NALCN: variants seen among roughly 807,000 people sequenced by gnomAD.
The protein encoded by NALCN is sodium leak channel, non-selective, also known as sodium leak channel NALCN.
A neutral mutation model predicts 225.3 loss-of-function variants in NALCN; 111 were observed. The ratio of observed to expected loss-of-function variants is 0.49; its 90% CI spans 0.42 to 0.58. The LOEUF (loss-of-function observed/expected upper bound fraction) is 0.58, where lower values mean the gene tolerates loss of function less well. NALCN is among the 20% of genes least tolerant of loss of function. The pLI, the probability that NALCN is intolerant of heterozygous loss-of-function variation, is 0.00. For synonymous variants in NALCN, 764 were observed against 769.0 expected (o/e 0.99, Z 0.11); for missense variants, 1,378 against 2,202.4 (o/e 0.63, Z 7.49).
chr13:101,216,570 CAG>C (rs994283951), intron 13 of NALCN, among the ~76,000 whole-genome samples: 9 of 151,964 alleles, frequency 5.9e-5, no homozygotes, highest in Admixed American at 2.0e-4. Flanking sequence ...ACATGAAAGA[CAG>C]AACAAAAATT....
At chr13:101,371,216 T>C (rs1483245921) in intron 6 of NALCN, among the ~76,000 whole-genome samples, 1 of 152,232 alleles carries the variant, frequency 6.6e-6, no homozygotes, top group African/African-American at 2.4e-5. Context: ...TGGGCATTCA[T>C]GTGTAAATCT....
At chr13:101,290,468 G>C (rs1322347387) in intron 9 of NALCN, among the ~76,000 whole-genome samples, 1 of 152,234 alleles carries the variant, frequency 6.6e-6, no homozygotes, top group Admixed American at 6.5e-5. Flanking sequence ...AAAGAGAGGA[G>C]AGAGGAGATG....
chr13:101,256,235 AT>A (rs1296212652), intron 11 of NALCN, among the ~76,000 whole-genome samples: 1 of 152,148 alleles, frequency 6.6e-6, no homozygotes, highest in African/African-American at 2.4e-5. Flanking sequence ...TTCTGGTTCT[AT>A]TATTCCATCA....
chr13:101,287,714 A>G (rs1297115709), intron 9 of NALCN, among the ~76,000 whole-genome samples: 4 of 152,208 alleles, frequency 2.6e-5, no homozygotes, highest in African/African-American at 9.6e-5. Flanking sequence ...AAGCGCATGG[A>G]GATTTCAACT....
intron 7 of NALCN, among the ~76,000 whole-genome samples, chr13:101,332,397 C>CA (rs753158247): frequency 0.045 from 2,585 of 57,500 alleles, 26 homozygotes; most frequent in Middle Eastern, 0.12. Flanking sequence ...TTCACAAAGC[C>CA]AAAAAAAAAA....
intron 15 of NALCN, among the ~76,000 whole-genome samples, chr13:101,146,902 G>A (rs551185629): frequency 6.6e-6 from 1 of 152,088 alleles, no homozygotes; most frequent in Admixed American, 6.6e-5. Context: ...CAGAGTGCTC[G>A]GAAACACAAG....
rs536843010 is a variant in NALCN at position 101,100,662 on chromosome 13, C to A, written c.3162+122G>T. On this transcript the variant is annotated intron_variant, in intron 27 of 43. Coordinates refer to ENST00000251127, the MANE Select transcript of NALCN (RefSeq NM_052867.4). ...GTGGTGAGATCATAGCTCACTGCAA[C>A]CTTGACCTCCAGTTTCAAGTAATCT... is the stretch of plus-strand genomic sequence containing the variant. 9.3e-3 allele frequency: 5,441 copies of A among 586,684 alleles called. 32 individuals carry two copies. The highest frequency in any genetic ancestry group is 0.011 in the Non-Finnish European group (4,441 of 397,316). The allele number at this position is 586,684 out of a possible 1,614,324, so 36.3% of individuals were successfully genotyped here.
At chr13:101,281,266 A>G (rs544823) in intron 10 of NALCN, among the ~76,000 whole-genome samples, 121,218 of 152,102 alleles carry the variant, frequency 0.8, 48,699 homozygotes, top group Non-Finnish European at 0.84. Context: ...CAAAACCCAC[A>G]TCACTCTTGT....
chr13:101,339,103 G>A (rs576347871), intron 7 of NALCN, among the ~76,000 whole-genome samples: 2 of 152,262 alleles, frequency 1.3e-5, no homozygotes, highest in Admixed American at 6.5e-5. Context: ...TGGGAACAGC[G>A]GAAGTAGGAA....
intron 22 of NALCN, among the ~76,000 whole-genome samples, chr13:101,106,345 C>T (rs1319940252): frequency 2.6e-5 from 4 of 152,102 alleles, no homozygotes; most frequent in Non-Finnish European, 4.4e-5. Context: ...GGAGGGGGAA[C>T]AATTCAGTCC....
intron 13 of NALCN, among the ~76,000 whole-genome samples, chr13:101,200,688 A>G (rs1285518846): frequency 1.3e-5 from 2 of 152,118 alleles, no homozygotes; most frequent in African/African-American, 2.4e-5. Context: ...CAGATCATCA[A>G]TAGCAGAAGA....
At position 101,062,769 on chromosome 13, in the gene NALCN, A is replaced by G. The variant is rs551821870; in HGVS notation, c.4605-651T>C. Among the ~76,000 whole-genome samples the G allele has an allele frequency of 2.0e-3, 311 of 151,892 alleles. 2 individuals are homozygous for G. The highest frequency in any genetic ancestry group is 5.2e-3 in the South Asian group (25 of 4,806). On this transcript the variant is annotated intron_variant, in intron 40 of 43. Transcript: ENST00000251127. The stretch of plus-strand genomic sequence containing the variant: ...CAGGTGTGTGCCACCACGCCCAGCT[A>G]GTTTTGTATTTTTAGTAGAGACGAG...
chr13:101,247,348 G>C lies in NALCN; in HGVS notation c.1267-9426C>G, dbSNP rs144820202. On this transcript the variant is annotated intron_variant, in intron 11 of 43. Coordinates refer to ENST00000251127, the MANE Select transcript of NALCN (RefSeq NM_052867.4). ...AGAACTGTGATATCACCCATATCAA[G>C]GGGCTAGCATTCTCCAAATGACACT... Among the ~76,000 whole-genome samples, 680 of 152,260 alleles carry C rather than the reference G, an allele frequency of 4.5e-3. 5 individuals carry two copies. The highest frequency in any genetic ancestry group is 0.014 in the African/African-American group (598 of 41,564).
chr13:101,233,349 T>A (rs932450941), intron 12 of NALCN, among the ~76,000 whole-genome samples: 9 of 151,436 alleles, frequency 5.9e-5, no homozygotes, highest in African/African-American at 2.2e-4. Context: ...ATTTTTTTTT[T>A]TTTTTTTGTG....
rs2030927498 is a variant in NALCN at position 101,054,244 on chromosome 13, A to G, written c.*1051T>C. On this transcript the variant is annotated 3_prime_UTR_variant, in exon 44 of 44. Coordinates refer to ENST00000251127, the MANE Select transcript of NALCN (RefSeq NM_052867.4). ...AAAAAACAAAAACAAAAAACGATTAAGTAAGTTGTGTGATCCCTAACCTGT... is the reference window on the plus strand; with the variant it reads ...AAAAAACAAAAACAAAAAACGATTAGGTAAGTTGTGTGATCCCTAACCTGT... 1 of 152,238 alleles carries G rather than the reference A, an allele frequency of 6.6e-6. No individual in the cohort carries two copies. The highest frequency in any genetic ancestry group is 2.1e-4 in the South Asian group (1 of 4,832). 9.4% of individuals were successfully genotyped at this position (152,238 alleles called of 1,614,324 possible).
chr13:101,291,441 A>G (rs1235845589), intron 9 of NALCN, among the ~76,000 whole-genome samples: 1 of 152,186 alleles, frequency 6.6e-6, no homozygotes, highest in East Asian at 1.9e-4. Context: ...GTTTTGTATC[A>G]AAACCACCCA....
chr13:101,167,840 A>C (rs2038522111), intron 15 of NALCN, among the ~76,000 whole-genome samples: 1 of 131,860 alleles, frequency 7.6e-6, no homozygotes. Context: ...CTCTGTCAAA[A>C]AAAAACAAAA....
At chr13:101,204,040 C>A (rs2040225749) in intron 13 of NALCN, among the ~76,000 whole-genome samples, 1 of 152,164 alleles carries the variant, frequency 6.6e-6, no homozygotes, top group Non-Finnish European at 1.5e-5. Context: ...CAATGGAACA[C>A]TAACTGAATT....
chr13:101,395,946 T>C (rs2139491929), intron 2 of NALCN, among the ~76,000 whole-genome samples: 1 of 152,316 alleles, frequency 6.6e-6, no homozygotes, highest in South Asian at 2.1e-4. Context: ...TATTTGTATC[T>C]GATATATAAT....
Sources: gnomAD v4.1 joint callset for allele counts (sites outside exome capture counted in the v4.1 genomes callset) on GRCh38, gnomAD v4.1.1 for gene constraint, MANE v1.5 for transcripts, NCBI Gene and HGNC (gene_info 2026-07-23, HGNC 2026-07-21) for gene names.